SHISA9: variants seen among roughly 807,000 people sequenced by gnomAD.
The protein encoded by SHISA9 is shisa family member 9, also known as protein shisa-9.
In SHISA9, 13 loss-of-function variants were observed where a neutral mutation model predicts 38.0. That is an observed-to-expected ratio of 0.34 (90% CI 0.22 to 0.54). The LOEUF (loss-of-function observed/expected upper bound fraction) is 0.54, where lower values mean the gene tolerates loss of function less well. Ranked by LOEUF, SHISA9 falls within the 20% of genes least tolerant of loss-of-function variation. SHISA9 has a pLI of 0.91. For missense variants in SHISA9, 538 were observed against 575.8 expected, an observed-to-expected ratio of 0.93 and a Z score of 0.67; for synonymous variants, 275 against 242.0, an observed-to-expected ratio of 1.14 and a Z score of -1.27.
At chr16:13,241,488 A>G (rs532246111), downstream of SHISA9, among the ~76,000 whole-genome samples, 1 of 152,278 alleles carries the variant, frequency 6.6e-6, no homozygotes, top group South Asian at 2.1e-4. Flanking sequence ...CCTGGGCAAC[A>G]AGAGCCAAAC....
intron 2 of SHISA9, among the ~76,000 whole-genome samples, chr16:12,944,169 C>T (rs2071659892): frequency 6.6e-6 from 1 of 152,136 alleles, no homozygotes; most frequent in African/African-American, 2.4e-5. Flanking sequence ...AATATGACTT[C>T]CAAGAGAAGA....
At chr16:13,201,323 C>T (rs2051004179) in intron 2 of SHISA9, among the ~76,000 whole-genome samples, 1 of 135,604 alleles carries the variant, frequency 7.4e-6, no homozygotes, top group Non-Finnish European at 1.6e-5. Context: ...CTACTCACAT[C>T]CTCTCATATA....
chr16:13,358,678 G>A, the SHISA9 span, among the ~76,000 whole-genome samples: 1 of 152,162 alleles, frequency 6.6e-6, no homozygotes, highest in Non-Finnish European at 1.5e-5. Context: ...ACCAACCAGT[G>A]AAAGGCCTCC....
the SHISA9 span, among the ~76,000 whole-genome samples, chr16:13,351,614 T>C: frequency 6.6e-6 from 1 of 152,212 alleles, no homozygotes; most frequent in Non-Finnish European, 1.5e-5. Context: ...TTACTGTTTA[T>C]TTCCTTAGAA....
At chr16:13,081,053 C>T (rs998969686) in intron 2 of SHISA9, among the ~76,000 whole-genome samples, 16 of 152,230 alleles carry the variant, frequency 1.1e-4, no homozygotes, top group African/African-American at 3.4e-4. Flanking sequence ...CAAATACCAT[C>T]ACATTGGGAA....
chr16:13,364,740 C>A, the SHISA9 span, among the ~76,000 whole-genome samples: 1 of 152,026 alleles, frequency 6.6e-6, no homozygotes. Context: ...TTTCCCTGGA[C>A]GATAATCACT....
At chr16:12,960,914 G>T (rs1179924396) in intron 2 of SHISA9, among the ~76,000 whole-genome samples, 1 of 152,142 alleles carries the variant, frequency 6.6e-6, no homozygotes, top group Non-Finnish European at 1.5e-5. Context: ...ATGAATTAAA[G>T]TGAACACGTT....
chr16:13,510,591 C>G, the SHISA9 span, among the ~76,000 whole-genome samples: 3 of 152,286 alleles, frequency 2.0e-5, no homozygotes, highest in Admixed American at 2.0e-4. Context: ...AAAGCAGTGA[C>G]TCACTTTTCT....
chr16:13,268,579 A>G, the SHISA9 span, among the ~76,000 whole-genome samples: 1 of 152,138 alleles, frequency 6.6e-6, no homozygotes, highest in African/African-American at 2.4e-5. Context: ...GCAGCACATA[A>G]TGTTCCCCAT....
At chr16:13,288,434 G>A in the SHISA9 span, among the ~76,000 whole-genome samples, 1 of 151,782 alleles carries the variant, frequency 6.6e-6, no homozygotes, top group Non-Finnish European at 1.5e-5. Flanking sequence ...AGGGATTGGG[G>A]GAGAGAGAGA....
At position 13,159,093 on chromosome 16, in the gene SHISA9, A is replaced by G. The variant is rs1455382771; in HGVS notation, c.692-44301A>G. 2.0e-5 allele frequency among the ~76,000 whole-genome samples: 3 copies of G among 151,818 alleles called. No homozygotes were observed. The East Asian group carries it at 5.8e-4, about 29-fold the overall frequency. ...AAAAACAAAACCAAAAACAAACAACAAAAGAAAACCCAGCAAAAACACAAC... is the reference window on the plus strand; with the variant it reads ...AAAAACAAAACCAAAAACAAACAACGAAAGAAAACCCAGCAAAAACACAAC... On this transcript the variant is annotated intron_variant, in intron 2 of 4. Coordinates refer to ENST00000558583, the MANE Select transcript of SHISA9 (RefSeq NM_001145204.3).
the SHISA9 span, among the ~76,000 whole-genome samples, chr16:13,557,518 G>A: frequency 1.3e-5 from 2 of 152,116 alleles, no homozygotes; most frequent in African/African-American, 2.4e-5. Context: ...ATTTGGGGGC[G>A]AGAAGAGGGT....
chr16:13,436,739 G>C, the SHISA9 span, among the ~76,000 whole-genome samples: 2 of 151,936 alleles, frequency 1.3e-5, no homozygotes, highest in East Asian at 3.9e-4. Context: ...TTAGGCACCT[G>C]TTACTATAGT....
chr16:12,929,986 C>T (rs573661983), intron 2 of SHISA9, among the ~76,000 whole-genome samples: 12 of 152,222 alleles, frequency 7.9e-5, no homozygotes, highest in African/African-American at 2.9e-4. Flanking sequence ...GAAAATATCC[C>T]AGCCCATGTA....
chr16:13,071,605 T>TCCCTTC (rs2073518538), intron 2 of SHISA9, among the ~76,000 whole-genome samples: 4 of 142,252 alleles, frequency 2.8e-5, no homozygotes, highest in African/African-American at 1.1e-4. Flanking sequence ...TCCTTCCCTT[T>TCCCTTC]CTTCCCTTCC....
Position 13,090,200 on chromosome 16 carries a change from C to T in SHISA9, c.692-113194C>T, listed in dbSNP as rs565387407. ...TGTGATTTCTGTTCTTTTACAGTTG[C>T]TAAGGAGTGCTTTACTTCCAATTAT... is the stretch of plus-strand genomic sequence containing the variant. On this transcript the variant is annotated intron_variant, in intron 2 of 4. Transcript: ENST00000558583. Among the ~76,000 whole-genome samples the T allele has an allele frequency of 2.0e-5, 3 of 152,278 alleles. No individual in the cohort carries two copies. The South Asian group carries it at 6.2e-4, about 32-fold the overall frequency.
intron 2 of SHISA9, among the ~76,000 whole-genome samples, chr16:13,148,857 G>A (rs374712522): frequency 3.3e-5 from 5 of 152,136 alleles, no homozygotes; most frequent in African/African-American, 1.2e-4. Context: ...AAAAGTTTAT[G>A]GGGAAATAAA....
At chr16:12,978,233 G>A (rs2072191386) in intron 2 of SHISA9, among the ~76,000 whole-genome samples, 3 of 152,292 alleles carry the variant, frequency 2.0e-5, no homozygotes, top group Middle Eastern at 3.4e-3. Flanking sequence ...CACTGACATG[G>A]TATAGAATCA....
chr16:13,479,690 G>T, the SHISA9 span, among the ~76,000 whole-genome samples: 3 of 152,174 alleles, frequency 2.0e-5, no homozygotes, highest in Non-Finnish European at 4.4e-5. Context: ...GCTGCATGAG[G>T]ATGCGATTAA....
Sources: gnomAD v4.1 joint callset for allele counts (sites outside exome capture counted in the v4.1 genomes callset) on GRCh38, gnomAD v4.1.1 for gene constraint, MANE v1.5 for transcripts, NCBI Gene and HGNC (gene_info 2026-07-23, HGNC 2026-07-21) for gene names.